The following DOCK7 variants were observed in gnomAD, a reference collection of about 807,000 sequenced individuals.
DOCK7 encodes dedicator of cytokinesis 7.
DOCK7 carries 138 observed loss-of-function variants against 271.0 expected under a neutral mutation model. The ratio of observed to expected loss-of-function variants is 0.51; its 90% CI spans 0.44 to 0.59. DOCK7 has a LOEUF of 0.59. DOCK7 is among the 20% of genes least tolerant of loss of function. The pLI, the probability that DOCK7 is intolerant of heterozygous loss-of-function variation, is 0.00. For missense variants in DOCK7, 2,066 were observed against 2,592.4 expected, an observed-to-expected ratio of 0.80 and a Z score of 4.41; for synonymous variants, 823 against 876.1, an observed-to-expected ratio of 0.94 and a Z score of 1.07.
intron 2 of DOCK7, among the ~76,000 whole-genome samples, chr1:62,657,353 T>C (rs769695953): frequency 1.3e-5 from 2 of 152,052 alleles, no homozygotes; most frequent in South Asian, 4.1e-4. Flanking sequence ...AGAAGACAAG[T>C]AAGAAATCTG....
At chr1:62,460,501 C>G (rs936496309) in intron 48 of DOCK7, among the ~76,000 whole-genome samples, 1 of 151,904 alleles carries the variant, frequency 6.6e-6, no homozygotes, top group African/African-American at 2.4e-5. Context: ...TATACAAATA[C>G]TACACCATTT....
In DOCK7 at chr1:62,455,333, A is replaced by G. The variant is rs559461705; in HGVS notation, c.*81T>C. 17 of 1,438,262 alleles carry G rather than the reference A, an allele frequency of 1.2e-5. No homozygotes were observed. The African/African-American group carries it at 1.5e-4, about 13-fold the overall frequency. 89.1% of individuals were successfully genotyped at this position (1,438,262 alleles called of 1,614,324 possible). Reference sequence around the variant, plus strand: ...ATAATAATTTCCAGAATTCCATTCCATGTTGTTTTCCAATAGATCTTTTCA... The same window carrying G: ...ATAATAATTTCCAGAATTCCATTCCGTGTTGTTTTCCAATAGATCTTTTCA... On this transcript the variant is annotated 3_prime_UTR_variant, in exon 50 of 50. Transcript: ENST00000635253.
intron 14 of DOCK7, among the ~76,000 whole-genome samples, chr1:62,610,857 T>C (rs1024534989): frequency 6.6e-6 from 1 of 152,242 alleles, no homozygotes; most frequent in Non-Finnish European, 1.5e-5. Flanking sequence ...TCATCCAGTC[T>C]ATCATTGATG....
rs1748195 is a variant in DOCK7 at position 62,583,922 on chromosome 1, C to G, written c.1801-668G>C. On this transcript the variant is annotated intron_variant, in intron 15 of 49. Coordinates refer to ENST00000635253, the MANE Select transcript of DOCK7 (RefSeq NM_001367561.1). Reference sequence around the variant, plus strand: ...TCTGGAGTAATAACAGGAATACTGTCGTTAATCAGAGCAGCTGATTAGATA... The same window carrying G: ...TCTGGAGTAATAACAGGAATACTGTGGTTAATCAGAGCAGCTGATTAGATA... Among the ~76,000 whole-genome samples, 63,953 of 151,976 alleles carry G rather than the reference C, an allele frequency of 0.42. 15,252 individuals are homozygous for G. Among genetic ancestry groups the G allele is most frequent in the African/African-American group, 0.66 (27,205 of 41,494 alleles).
chr1:62,601,829 C>T (rs992806506), intron 14 of DOCK7: 1 of 1,610,060 alleles, frequency 6.2e-7, no homozygotes, highest in Non-Finnish European at 8.5e-7. Flanking sequence ...GGCATGTATG[C>T]CATCAGACCC....
Position 62,492,753 on chromosome 1 carries a change from T to C in DOCK7, c.5312A>G (p.Glu1771Gly). 1.2e-6 allele frequency: 2 copies of C among 1,614,126 alleles called. No homozygotes were observed. The highest frequency in any genetic ancestry group is 1.7e-6 in the Non-Finnish European group (2 of 1,180,000). Residue 1771 changes from glutamate to glycine, a missense_variant, in exon 41 of 50, where the codon GAG (glutamate) becomes GGG (glycine). Glu to Gly is a moderately conservative substitution (Grantham distance 98). Transcript: ENST00000635253. ...EGICSGKYFT[E>G]SGLVGLLEQA... ...TTCCAGTAATCCCACAAGTCCTGAC[T>C]CAGTAAAGTATTTTCCAGAGCAGAT...
intron 18 of DOCK7, among the ~76,000 whole-genome samples, chr1:62,563,357 A>G (rs544068589): frequency 6.6e-6 from 1 of 152,248 alleles, no homozygotes; most frequent in South Asian, 2.1e-4. Context: ...CATCATATCA[A>G]CTAGGAAACT....
At chr1:62,617,188 C>T (rs894629804) in intron 14 of DOCK7, among the ~76,000 whole-genome samples, 1 of 151,258 alleles carries the variant, frequency 6.6e-6, no homozygotes, top group Admixed American at 6.6e-5. Context: ...GCCTACAAAA[C>T]TTCCTCTGCA....
rs781439717 is a variant in DOCK7 at position 62,496,365 on chromosome 1, A to G, written c.4897T>C (p.Leu1633=). The part of the protein sequence containing the change: ...ILTYAEEDLE[L]RETTFPDQVQ... ...TGATCAGGAAATGTTGTTTCCCTCA[A>G]TTCCAGATCTTCTTCAGCATATGTC... Residue 1633 remains leucine (L), a synonymous_variant, in exon 38 of 50, where the codon TTG becomes CTG. Coordinates refer to ENST00000635253, the MANE Select transcript of DOCK7 (RefSeq NM_001367561.1). 4.3e-6 allele frequency: 7 copies of G among 1,613,264 alleles called. No homozygotes were observed. Among genetic ancestry groups the G allele is most frequent in the Non-Finnish European group, 5.1e-6 (6 of 1,179,576 alleles).
chr1:62,484,350 T>C (rs1333732612), intron 43 of DOCK7: 2 of 152,142 alleles, frequency 1.3e-5, no homozygotes, highest in South Asian at 2.1e-4. Context: ...TAAAGAAATA[T>C]GTTGTGATCT....
At chr1:62,516,458 T>G (rs1198133479) in intron 31 of DOCK7, among the ~76,000 whole-genome samples, 2 of 152,168 alleles carry the variant, frequency 1.3e-5, no homozygotes, top group Admixed American at 1.3e-4. Context: ...AGTTAATCTA[T>G]CACCTACAAT....
At chr1:62,509,577 T>C (rs985803051) in intron 34 of DOCK7, among the ~76,000 whole-genome samples, 4 of 151,832 alleles carry the variant, frequency 2.6e-5, no homozygotes, top group African/African-American at 9.7e-5. Context: ...AAATAACACA[T>C]GTAGAAAAAC....
intron 14 of DOCK7, chr1:62,604,653 G>T: frequency 6.2e-7 from 1 of 1,613,186 alleles, no homozygotes; most frequent in Non-Finnish European, 8.5e-7. Context: ...GTGGCATGAT[G>T]AGTGTGGAGA....
Position 62,620,009 on chromosome 1 carries a change from G to A in DOCK7, c.1426-16C>T, listed in dbSNP as rs1256582155. The A allele has an allele frequency of 1.3e-6, 2 of 1,594,180 alleles. No individual in the cohort carries two copies. Among genetic ancestry groups the A allele is most frequent in the Non-Finnish European group, 1.7e-6 (2 of 1,164,640 alleles). On this transcript the variant is annotated splice_polypyrimidine_tract_variant and intron_variant, in intron 12 of 49. Transcript: ENST00000635253. Reference sequence around the variant, plus strand: ...GGTCTCCTTCCTGATTTCAATAATAGAGGAAAAAGTATTTGATAAAACAAA... The same window carrying A: ...GGTCTCCTTCCTGATTTCAATAATAAAGGAAAAAGTATTTGATAAAACAAA...
At chr1:62,538,131 G>A (rs1272016358) in intron 27 of DOCK7, 70 bp from the exon 28 acceptor site, 3 of 1,473,290 alleles carry the variant, frequency 2.0e-6, no homozygotes, top group Non-Finnish European at 2.8e-6. Context: ...ATACCAGAAT[G>A]GCAAATTAGA....
intron 38 of DOCK7, chr1:62,495,957 A>C (rs1192672375): frequency 8.0e-6 from 3 of 377,192 alleles, no homozygotes; most frequent in African/African-American, 6.4e-5. Flanking sequence ...TATGGGAAAT[A>C]CAAGAATACA....
At position 62,625,269 on chromosome 1, in the gene DOCK7, A is replaced by C; in HGVS notation, c.1415T>G (p.Phe472Cys). Residue 472 changes from phenylalanine (F) to cysteine (C), a missense_variant, in exon 12 of 50, where the codon TTT (phenylalanine) becomes TGT (cysteine). Phe to Cys is a radical substitution (Grantham distance 205). This residue lies in a region of DOCK7 where 1,414 missense variants were observed against 1,670.4 expected (regional missense o/e 0.85). Transcript: ENST00000635253. Reference protein sequence around the residue: ...FRPATLTVTNFFKQEGDRLSD... With the variant: ...FRPATLTVTNCFKQEGDRLSD... ...ATGACAGAACAATACCTGCTTAAAA[A>C]AATTTGTCACTGTGAGAGTAGCTGG... The C allele has an allele frequency of 6.2e-7, 1 of 1,613,850 alleles. No homozygotes were observed. Among genetic ancestry groups the C allele is most frequent in the Non-Finnish European group, 8.5e-7 (1 of 1,179,916 alleles).
chr1:62,530,141 A>T lies in DOCK7; in HGVS notation c.3612-695T>A, dbSNP rs190500128. ...TCTACTCCAACTTTAACTGGCCCTTAATGCTGCATCCACTAAGCAGTTTCA... is the reference window on the plus strand; with the variant it reads ...TCTACTCCAACTTTAACTGGCCCTTTATGCTGCATCCACTAAGCAGTTTCA... On this transcript the variant is annotated intron_variant, in intron 29 of 49. Transcript: ENST00000635253. Among the ~76,000 whole-genome samples, 464 of 152,318 alleles carry T rather than the reference A, an allele frequency of 3.0e-3. 11 individuals carry two copies. Among genetic ancestry groups the T allele is most frequent in the East Asian group, 9.6e-3 (50 of 5,186 alleles).
At chr1:62,468,677 C>T (rs1645748973) in intron 48 of DOCK7, among the ~76,000 whole-genome samples, 1 of 152,028 alleles carries the variant, frequency 6.6e-6, no homozygotes, top group African/African-American at 2.4e-5. Flanking sequence ...AAGACTCCTC[C>T]AAAAAGCTTC....
Sources: gnomAD v4.1 joint callset for allele counts (sites outside exome capture counted in the v4.1 genomes callset) on GRCh38, gnomAD v4.1.1 for gene constraint, gnomAD v4.1.1 regional missense constraint, MANE v1.5 for transcripts, NCBI Gene and HGNC (gene_info 2026-07-23, HGNC 2026-07-21) for gene names.